The following PTPRD variants were observed in gnomAD, a reference collection of about 807,000 sequenced individuals.
PTPRD encodes receptor-type tyrosine-protein phosphatase delta.
PTPRD carries 34 observed loss-of-function variants against 214.5 expected under a neutral mutation model. That is an observed-to-expected ratio of 0.16 (90% confidence interval 0.12 to 0.21). The LOEUF (loss-of-function observed/expected upper bound fraction) is 0.21, where lower values mean the gene tolerates loss of function less well. PTPRD is among the 10% of genes least tolerant of loss of function. The pLI is 1.00. For missense variants in PTPRD, 2,545 were observed against 2,398.7 expected, an observed-to-expected ratio of 1.06 and a Z score of -1.27; for synonymous variants, 1,128 against 845.7, an observed-to-expected ratio of 1.33 and a Z score of -5.79.
chr9:10,488,149 C>T (rs954066529), intron 2 of PTPRD, among the ~76,000 whole-genome samples: 12 of 151,852 alleles, frequency 7.9e-5, no homozygotes, highest in Admixed American at 6.6e-5. Flanking sequence ...GGGTGGATCA[C>T]AAGGTCAGGA....
intron 11 of PTPRD, among the ~76,000 whole-genome samples, chr9:8,748,535 A>AAAG (rs1555264123): frequency 1.6e-5 from 2 of 122,300 alleles, no homozygotes; most frequent in African/African-American, 6.3e-5. Context: ...AAAAAAAAAA[A>AAAG]AAAAAGAAAA....
At chr9:9,134,105 G>A (rs1218095217) in intron 10 of PTPRD, among the ~76,000 whole-genome samples, 3 of 105,686 alleles carry the variant, frequency 2.8e-5, no homozygotes, top group Admixed American at 1.4e-4. Context: ...TCGCTCTGTC[G>A]CCCAGGCTGG....
chr9:10,345,704 G>T (rs949548998), intron 2 of PTPRD, among the ~76,000 whole-genome samples: 1 of 152,134 alleles, frequency 6.6e-6, no homozygotes, highest in Non-Finnish European at 1.5e-5. Flanking sequence ...TTGCTATTGT[G>T]AACAGTGTTG....
chr9:8,403,385 A>T (rs185604539), intron 36 of PTPRD, among the ~76,000 whole-genome samples: 6 of 152,262 alleles, frequency 3.9e-5, no homozygotes, highest in Admixed American at 3.9e-4. Context: ...AGGCCATAAA[A>T]CTCTTCTGGG....
intron 2 of PTPRD, among the ~76,000 whole-genome samples, chr9:10,373,806 C>A (rs1259756774): frequency 6.6e-6 from 1 of 152,120 alleles, no homozygotes; most frequent in Non-Finnish European, 1.5e-5. Context: ...CATGTTTCAA[C>A]ATGTCAACAA....
intron 2 of PTPRD, among the ~76,000 whole-genome samples, chr9:10,471,041 C>G (rs529394390): frequency 6.6e-6 from 1 of 152,016 alleles, no homozygotes; most frequent in Non-Finnish European, 1.5e-5. Context: ...CAAACTAACA[C>G]AGGAAAGAAA....
intron 11 of PTPRD, among the ~76,000 whole-genome samples, chr9:8,758,692 G>A (rs977015882): frequency 6.6e-5 from 10 of 151,860 alleles, no homozygotes; most frequent in Non-Finnish European, 1.3e-4. Flanking sequence ...AAAATTCTAC[G>A]CAATATGCTA....
chr9:9,827,493 T>C (rs2053336800), intron 5 of PTPRD, among the ~76,000 whole-genome samples: 1 of 152,112 alleles, frequency 6.6e-6, no homozygotes, highest in African/African-American at 2.4e-5. Flanking sequence ...TTACACTTTA[T>C]ACAAAAATTA....
At chr9:8,321,475 G>GTA (rs1827506974) in intron 44 of PTPRD, among the ~76,000 whole-genome samples, 2 of 99,970 alleles carry the variant, frequency 2.0e-5, no homozygotes, top group African/African-American at 8.0e-5. Context: ...GTGTGTGTGT[G>GTA]TGTGTGTGTG....
At chr9:10,488,757 G>C (rs833406) in intron 2 of PTPRD, among the ~76,000 whole-genome samples, 43,449 of 151,922 alleles carry the variant, frequency 0.29, 7,259 homozygotes, top group African/African-American at 0.46. Flanking sequence ...CCCATGGGGA[G>C]TACTGCCAGA....
At chr9:8,881,232 C>T (rs1322704024) in intron 11 of PTPRD, among the ~76,000 whole-genome samples, 1 of 152,192 alleles carries the variant, frequency 6.6e-6, no homozygotes. Flanking sequence ...ACAGAACTAA[C>T]AGTCTAGTGA....
intron 5 of PTPRD, among the ~76,000 whole-genome samples, chr9:9,919,280 ATC>A (rs369523489): frequency 2.6e-5 from 4 of 152,214 alleles, no homozygotes; most frequent in African/African-American, 7.2e-5. Flanking sequence ...ACCTCCAGTC[ATC>A]TCTCTGAGTC....
chr9:9,012,870 C>G (rs1452136342), intron 11 of PTPRD, among the ~76,000 whole-genome samples: 2 of 152,060 alleles, frequency 1.3e-5, no homozygotes, highest in Non-Finnish European at 2.9e-5. Flanking sequence ...TGTGACTTGC[C>G]TTTGTATTCA....
At chr9:9,963,392 C>A (rs1055459926) in intron 4 of PTPRD, among the ~76,000 whole-genome samples, 1 of 151,386 alleles carries the variant, frequency 6.6e-6, no homozygotes, top group African/African-American at 2.4e-5. Flanking sequence ...AAGAGAAATG[C>A]CTCTAAGTGT....
intron 2 of PTPRD, among the ~76,000 whole-genome samples, chr9:10,451,584 G>A (rs1007507159): frequency 6.6e-6 from 1 of 151,434 alleles, no homozygotes; most frequent in Non-Finnish European, 1.5e-5. Flanking sequence ...ACCTCGTAGT[G>A]TTGTTTCAAG....
intron 10 of PTPRD, among the ~76,000 whole-genome samples, chr9:9,157,781 C>G (rs1057450637): frequency 6.6e-6 from 1 of 152,036 alleles, no homozygotes; most frequent in Non-Finnish European, 1.5e-5. Flanking sequence ...CGTAGGTAAA[C>G]GTGTGCCACG....
chr9:9,158,945 C>A (rs886747795), intron 10 of PTPRD, among the ~76,000 whole-genome samples: 2 of 152,068 alleles, frequency 1.3e-5, no homozygotes, highest in African/African-American at 4.8e-5. Context: ...AGTAACAAAA[C>A]AAAGAACAAA....
At chr9:9,425,134 G>A (rs147409406) in intron 8 of PTPRD, among the ~76,000 whole-genome samples, 1 of 152,122 alleles carries the variant, frequency 6.6e-6, no homozygotes, top group East Asian at 1.9e-4. Flanking sequence ...TATGAAGAGA[G>A]TAAGAGGCCA....
chr9:8,467,350 G>A (rs920017333), intron 31 of PTPRD, among the ~76,000 whole-genome samples: 1 of 151,670 alleles, frequency 6.6e-6, no homozygotes, highest in African/African-American at 2.4e-5. Context: ...GTCAAATTTA[G>A]CTTTACTTAT....
Sources: allele counts gnomAD v4.1 joint callset (sites outside exome capture counted in the v4.1 genomes callset), GRCh38; gene constraint gnomAD v4.1.1; transcripts MANE v1.5; gene names NCBI Gene and HGNC (gene_info 2026-07-23, HGNC 2026-07-21).